SPTLC1: variants seen among roughly 807,000 people sequenced by gnomAD.
SPTLC1 encodes serine palmitoyltransferase long chain base subunit 1, also known as serine palmitoyltransferase 1.
In SPTLC1, 55 loss-of-function variants were observed where a neutral mutation model predicts 68.9. The observed-to-expected ratio is 0.80, with a 90% CI of 0.64 to 1.00. The LOEUF is 1.00. Among genes scored for constraint, SPTLC1 ranks in the 50% least tolerant of loss-of-function variants. The pLI, the probability that SPTLC1 is intolerant of heterozygous loss-of-function variation, is 0.00. For synonymous variants in SPTLC1, 197 were observed against 201.6 expected, an observed-to-expected ratio of 0.98 and a Z score of 0.19; for missense variants, 449 against 573.1, an observed-to-expected ratio of 0.78 and a Z score of 2.21.
intron 3 of SPTLC1, among the ~76,000 whole-genome samples, chr9:92,098,131 C>T (rs1424748106): frequency 6.6e-6 from 1 of 152,138 alleles, no homozygotes; most frequent in African/African-American, 2.4e-5. Context: ...CGGCAGCCAT[C>T]TTGGCTACCC....
At chr9:92,100,781 T>C (rs1237939389) in intron 3 of SPTLC1, among the ~76,000 whole-genome samples, 1 of 150,410 alleles carries the variant, frequency 6.6e-6, no homozygotes, top group Non-Finnish European at 1.5e-5. Flanking sequence ...CACATGCTCC[T>C]ACAGCCTAGG....
chr9:92,113,669 T>C (rs1444993827), intron 1 of SPTLC1, among the ~76,000 whole-genome samples: 2 of 152,244 alleles, frequency 1.3e-5, no homozygotes, highest in African/African-American at 2.4e-5. Flanking sequence ...ACAGTTAACC[T>C]AATACTGGGC....
intron 8 of SPTLC1, chr9:92,050,275 G>A: frequency 1.9e-6 from 1 of 518,604 alleles, no homozygotes; most frequent in South Asian, 2.1e-5. Flanking sequence ...CATGTGCAGA[G>A]CAGTGAAGAA....
intron 12 of SPTLC1, among the ~76,000 whole-genome samples, chr9:92,039,585 G>C (rs1833270707): frequency 6.6e-6 from 1 of 152,096 alleles, no homozygotes; most frequent in South Asian, 2.1e-4. Flanking sequence ...GGACACAAAT[G>C]TGATATATGT....
At position 92,079,418 on chromosome 9, in the gene SPTLC1, A is replaced by G. The variant is rs143709136; in HGVS notation, c.427+598T>C. 2.1e-4 allele frequency: 333 copies of G among 1,568,206 alleles called. 1 individual carries two copies. The African/African-American group carries it at 4.0e-3, about 19-fold the overall frequency. ...ACATTTTCAGGAGCAAAGAATATAC[A>G]CTTAATAAAAACAACCATAAAATGC... On this transcript the variant is annotated intron_variant, in intron 5 of 14. Coordinates refer to ENST00000262554, the MANE Select transcript of SPTLC1 (RefSeq NM_006415.4).
chr9:92,084,301 G>A (rs952782479), intron 3 of SPTLC1, among the ~76,000 whole-genome samples: 3 of 150,964 alleles, frequency 2.0e-5, no homozygotes, highest in South Asian at 2.1e-4. Context: ...GGTGAGAGAG[G>A]GCATCCCTGT....
chr9:92,038,424 C>A, intron 12 of SPTLC1, 59 bp from the exon 13 acceptor site: 1 of 1,116,564 alleles, frequency 9.0e-7, no homozygotes, highest in Non-Finnish European at 1.4e-6. Flanking sequence ...AGATCGCTCA[C>A]GGAGAAATAA....
At chr9:92,059,453 C>T in intron 6 of SPTLC1, 145 bp from the exon 7 acceptor site, 2 of 854,852 alleles carry the variant, frequency 2.3e-6, no homozygotes, top group Non-Finnish European at 1.9e-6. Context: ...AATATTTATA[C>T]ATCATTGTTT....
At chr9:92,085,751 G>A (rs1469353850) in intron 3 of SPTLC1, among the ~76,000 whole-genome samples, 1 of 152,160 alleles carries the variant, frequency 6.6e-6, no homozygotes, top group Non-Finnish European at 1.5e-5. Flanking sequence ...GTAGATGTCT[G>A]TTAGGTCCCC....
chr9:92,063,638 TA>T (rs923531021), intron 6 of SPTLC1, among the ~76,000 whole-genome samples: 174 of 149,406 alleles, frequency 1.2e-3, no homozygotes, highest in African/African-American at 4.0e-3. Context: ...TAGCTTTTTA[TA>T]AAAAAAAAAT....
chr9:92,104,822 G>A, intron 3 of SPTLC1: 1 of 1,530,936 alleles, frequency 6.5e-7, no homozygotes, highest in Non-Finnish European at 8.7e-7. Context: ...CAGGCCCTTG[G>A]AGGGAAATGT....
intron 5 of SPTLC1, among the ~76,000 whole-genome samples, chr9:92,075,800 G>A (rs958106314): frequency 1.1e-4 from 16 of 152,096 alleles, no homozygotes; most frequent in African/African-American, 3.6e-4. Flanking sequence ...AAATCTCATG[G>A]GGACCATTGC....
chr9:92,082,262 T>C (rs995075495), intron 3 of SPTLC1, among the ~76,000 whole-genome samples: 6 of 152,156 alleles, frequency 3.9e-5, no homozygotes. Flanking sequence ...TATTATACTC[T>C]AAGTTTTAGG....
At chr9:92,074,515 G>C (rs1157196251) in intron 5 of SPTLC1, among the ~76,000 whole-genome samples, 3 of 151,808 alleles carry the variant, frequency 2.0e-5, no homozygotes, top group Admixed American at 2.0e-4. Flanking sequence ...CTAAAGTATG[G>C]GATACCTCCA....
chr9:92,032,317 A>C lies in SPTLC1; in HGVS notation c.*148T>G. 1 of 1,546,338 alleles carries C rather than the reference A, an allele frequency of 6.5e-7. No individual in the cohort carries two copies. On this transcript the variant is annotated 3_prime_UTR_variant, in exon 15 of 15. Coordinates refer to ENST00000262554, the MANE Select transcript of SPTLC1 (RefSeq NM_006415.4). ...AAATAAGCATCCTTCTCATGGTCAC[A>C]CAATTGGTCCATACTGACACCATTT...
chr9:92,071,439 A>G (rs1044311813), intron 5 of SPTLC1, among the ~76,000 whole-genome samples: 5 of 152,182 alleles, frequency 3.3e-5, no homozygotes, highest in African/African-American at 1.2e-4. Context: ...CCCTAGAGAC[A>G]TGCACAATTT....
intron 6 of SPTLC1, among the ~76,000 whole-genome samples, chr9:92,063,631 C>T (rs532122831): frequency 5.9e-5 from 9 of 151,914 alleles, no homozygotes; most frequent in South Asian, 2.1e-4. Flanking sequence ...TCGAATTTAG[C>T]TTTTTATAAA....
chr9:92,060,119 A>G (rs1018361660), intron 6 of SPTLC1, among the ~76,000 whole-genome samples: 14 of 152,144 alleles, frequency 9.2e-5, no homozygotes, highest in East Asian at 1.9e-4. Context: ...AACGATGTCA[A>G]TGGAGGCCGA....
At chr9:92,065,710 G>A (rs891227052) in intron 6 of SPTLC1, among the ~76,000 whole-genome samples, 1 of 152,126 alleles carries the variant, frequency 6.6e-6, no homozygotes, top group African/African-American at 2.4e-5. Context: ...AGTCAATGGC[G>A]CTTCAGTTAG....
Sources: allele counts gnomAD v4.1 joint callset (sites outside exome capture counted in the v4.1 genomes callset), GRCh38; gene constraint gnomAD v4.1.1; transcripts MANE v1.5; gene names NCBI Gene and HGNC (gene_info 2026-07-23, HGNC 2026-07-21).